ARFGEF1: variants seen among roughly 807,000 people sequenced by gnomAD.
ARFGEF1 encodes brefeldin A-inhibited guanine nucleotide-exchange protein 1.
A neutral mutation model predicts 231.0 loss-of-function variants in ARFGEF1; 42 were observed. The ratio of observed to expected loss-of-function variants is 0.18; its 90% confidence interval spans 0.14 to 0.24. The LOEUF is 0.24. Ranked by LOEUF, ARFGEF1 falls within the 10% of genes least tolerant of loss-of-function variation. The pLI is 1.00. For synonymous variants in ARFGEF1, 710 were observed against 732.3 expected (o/e 0.97, Z 0.49); for missense variants, 1,345 against 2,192.0 (o/e 0.61, Z 7.72).
At position 67,301,293 on chromosome 8, in the gene ARFGEF1, G is replaced by C. The variant is rs1453645148; in HGVS notation, c.243C>G (p.Phe81Leu). ...KTNFIEADKY[F>L]LPFELACQSK... ...ACTGGCATGCCAACTCAAAAGGCAA[G>C]AAGTACTTGTCTGCTTCAATAAAAT... Residue 81 changes from phenylalanine (F) to leucine (L), a missense_variant, in exon 3 of 39, where the codon TTC (phenylalanine) becomes TTG (leucine). Physicochemically the swap from Phe to Leu is conservative, Grantham distance 22. Transcript: ENST00000262215. The C allele has an allele frequency of 1.9e-6, 3 of 1,614,084 alleles. No individual in the cohort carries two copies. The South Asian group carries it at 3.3e-5, about 18-fold the overall frequency.
chr8:67,201,935 T>C (rs1838344388), intron 36 of ARFGEF1: 3 of 307,468 alleles, frequency 9.8e-6, no homozygotes, highest in South Asian at 8.7e-5. Context: ...CCCCAGGAGG[T>C]GAGAACTGCT....
intron 29 of ARFGEF1, among the ~76,000 whole-genome samples, chr8:67,222,164 C>CATATATATATATATATATATATAT (rs1333771303): frequency 8.4e-6 from 1 of 119,148 alleles, no homozygotes; most frequent in Non-Finnish European, 1.6e-5. Flanking sequence ...CTTTTCCATG[C>CATATATATATATATATATATATAT]ATATATATAT....
At chr8:67,317,548 A>T (rs1337899423) in intron 1 of ARFGEF1, among the ~76,000 whole-genome samples, 1 of 151,760 alleles carries the variant, frequency 6.6e-6, no homozygotes, top group African/African-American at 2.4e-5. Context: ...CCAGCAAGGT[A>T]TAAAAAGAAT....
At chr8:67,200,320 C>CG in intron 38 of ARFGEF1, 76 bp downstream of exon 38, 1 of 1,038,002 alleles carries the variant, frequency 9.6e-7, no homozygotes. Context: ...AGCTCTTGCA[C>CG]GGCGGCTCTG....
At chr8:67,195,353 C>T, downstream of ARFGEF1, 1 of 1,521,204 alleles carries the variant, frequency 6.6e-7, no homozygotes, top group Non-Finnish European at 9.1e-7. Flanking sequence ...CCTGTGTTAC[C>T]TGAGCCACGT....
intron 1 of ARFGEF1, among the ~76,000 whole-genome samples, chr8:67,313,602 T>C (rs946776767): frequency 1.3e-5 from 2 of 152,230 alleles, no homozygotes; most frequent in Non-Finnish European, 2.9e-5. Context: ...GGCTTGGTAC[T>C]GAGGCTTGTC....
Position 67,315,967 on chromosome 8 carries a change from T to C in ARFGEF1, c.125-13501A>G, listed in dbSNP as rs1367405917. Among the ~76,000 whole-genome samples the C allele has an allele frequency of 8.7e-5, 13 of 149,280 alleles. No homozygotes were observed. In the East Asian group the frequency reaches 2.6e-3, roughly 30 times the overall value. ...AAGCAAGCAGAAAAAAAAGGAAAAA[T>C]AATAAATACAAGAGCAGAAATCAAC... is the stretch of plus-strand genomic sequence containing the variant. On this transcript the variant is annotated intron_variant, in intron 1 of 38. Transcript: ENST00000262215.
At chr8:67,180,163 T>C (rs1474152433) in intron 5 of ARFGEF1, among the ~76,000 whole-genome samples, 2 of 152,212 alleles carry the variant, frequency 1.3e-5, no homozygotes, top group Non-Finnish European at 2.9e-5. Flanking sequence ...CGTAACAGCC[T>C]CATTTCTAAT....
At chr8:67,178,074 G>A (rs1832116741) in intron 5 of ARFGEF1, among the ~76,000 whole-genome samples, 1 of 152,118 alleles carries the variant, frequency 6.6e-6, no homozygotes, top group Non-Finnish European at 1.5e-5. Flanking sequence ...AGACAGGCCT[G>A]GCATATAAGT....
chr8:67,180,154 G>A lies in ARFGEF1; in HGVS notation c.561-4582C>T, dbSNP rs552343612. On this transcript the variant is annotated intron_variant, in intron 5 of 5. Transcript: ENST00000518789. ...TTGACAAACCTGTACATGAATGTTC[G>A]TAACAGCCTCATTTCTAATGCCAAA... Among the ~76,000 whole-genome samples the A allele has an allele frequency of 5.7e-4, 86 of 152,160 alleles. 1 individual carries two copies. Among genetic ancestry groups the A allele is most frequent in the South Asian group, 2.9e-3 (14 of 4,818 alleles).
chr8:67,216,466 C>A, intron 33 of ARFGEF1, 124 bp downstream of exon 33: 3 of 851,768 alleles, frequency 3.5e-6, no homozygotes, highest in South Asian at 1.9e-5. Flanking sequence ...ATAAGTAATC[C>A]AGTCTCAGAT....
chr8:67,263,913 T>C (rs1804742559), intron 14 of ARFGEF1, among the ~76,000 whole-genome samples: 1 of 152,138 alleles, frequency 6.6e-6, no homozygotes, highest in Admixed American at 6.6e-5. Flanking sequence ...AACAATTATA[T>C]CTTTTATAAA....
In ARFGEF1 at chr8:67,197,927, G is replaced by A; in HGVS notation, c.*1007C>T. On this transcript the variant is annotated 3_prime_UTR_variant, in exon 39 of 39. Coordinates refer to ENST00000262215, the MANE Select transcript of ARFGEF1 (RefSeq NM_006421.5). ...AGTAAATCTAACCTCCGCAAACCATGCCAGATTTGTTATTTTAATATATTC... is the reference window on the plus strand; with the variant it reads ...AGTAAATCTAACCTCCGCAAACCATACCAGATTTGTTATTTTAATATATTC... 1 of 985,734 alleles carries A rather than the reference G, an allele frequency of 1.0e-6. No individual in the cohort carries two copies. The highest frequency in any genetic ancestry group is 1.2e-6 in the Non-Finnish European group (1 of 829,920). The allele number at this position is 985,734 out of a possible 1,614,324, so 61.1% of individuals were successfully genotyped here. A position where few individuals can be genotyped will look rare whatever the true frequency, so the allele number is the denominator to read the frequency against.
At chr8:67,248,986 T>C (rs1587132053) in intron 19 of ARFGEF1, among the ~76,000 whole-genome samples, 1 of 150,572 alleles carries the variant, frequency 6.6e-6, no homozygotes, top group East Asian at 1.9e-4. Flanking sequence ...TCTTAAAAAG[T>C]TTATATCCCT....
intron 33 of ARFGEF1, among the ~76,000 whole-genome samples, chr8:67,214,926 A>T (rs1838874739): frequency 6.6e-6 from 1 of 152,082 alleles, no homozygotes; most frequent in African/African-American, 2.4e-5. Context: ...CTCAGGCCCG[A>T]AGAAGCCAGC....
intron 34 of ARFGEF1, among the ~76,000 whole-genome samples, chr8:67,205,479 C>CAACAAATGGATAAAAATGT (rs1032310134): frequency 2.6e-5 from 4 of 152,140 alleles, no homozygotes; most frequent in Non-Finnish European, 2.9e-5. Flanking sequence ...TTTTTTAATT[C>CAACAAATGGATAAAAATGT]AACAAATGGA....
intron 1 of ARFGEF1, among the ~76,000 whole-genome samples, chr8:67,333,651 G>A (rs1808208380): frequency 6.6e-6 from 1 of 152,000 alleles, no homozygotes; most frequent in Admixed American, 6.6e-5. Context: ...GCATGTCCAT[G>A]CTCCCATGTA....
intron 10 of ARFGEF1, among the ~76,000 whole-genome samples, chr8:67,269,454 G>A (rs972137549): frequency 2.7e-5 from 4 of 149,682 alleles, no homozygotes. Flanking sequence ...CCAGGTTCAA[G>A]CGATTGTCCT....
At chr8:67,205,196 G>A (rs952045994) in intron 34 of ARFGEF1, among the ~76,000 whole-genome samples, 3 of 152,060 alleles carry the variant, frequency 2.0e-5, no homozygotes, top group Non-Finnish European at 2.9e-5. Context: ...GGGATTGTAA[G>A]TCGCCCAGCA....
Sources: allele counts gnomAD v4.1 joint callset (sites outside exome capture counted in the v4.1 genomes callset), GRCh38; gene constraint gnomAD v4.1.1; transcripts MANE v1.5; gene names NCBI Gene and HGNC (gene_info 2026-07-23, HGNC 2026-07-21).